The following GPC5 variants were observed in gnomAD, a reference collection of about 807,000 sequenced individuals.
The protein encoded by GPC5 is glypican-5.
A neutral mutation model predicts 53.9 loss-of-function variants in GPC5; 47 were observed. That is an observed-to-expected ratio of 0.87 (90% CI 0.69 to 1.11). The LOEUF is 1.11. Among genes scored for constraint, GPC5 ranks in the 50% most tolerant of loss-of-function variants. The pLI is 0.00. For missense variants in GPC5, 748 were observed against 713.1 expected (o/e 1.05, Z -0.56); for synonymous variants, 286 against 263.3 (o/e 1.09, Z -0.84).
intron 7 of GPC5, among the ~76,000 whole-genome samples, chr13:92,552,461 T>G (rs1882351599): frequency 6.6e-6 from 1 of 151,890 alleles, no homozygotes; most frequent in Admixed American, 6.6e-5. Flanking sequence ...AAAATAAAAC[T>G]AAGTTACTTT....
chr13:92,159,434 C>T (rs1476096618), intron 7 of GPC5, among the ~76,000 whole-genome samples: 2 of 151,980 alleles, frequency 1.3e-5, no homozygotes, highest in African/African-American at 2.4e-5. Context: ...CAATTTGGGG[C>T]GGGGACTCAG....
At chr13:91,947,809 A>G (rs1256877725) in intron 6 of GPC5, among the ~76,000 whole-genome samples, 1 of 152,140 alleles carries the variant, frequency 6.6e-6, no homozygotes, top group Non-Finnish European at 1.5e-5. Flanking sequence ...CCGTCCCCCC[A>G]ACCCCTGCAG....
chr13:91,747,853 A>G (rs1285566485), intron 4 of GPC5, among the ~76,000 whole-genome samples: 3 of 152,228 alleles, frequency 2.0e-5, no homozygotes, highest in Non-Finnish European at 4.4e-5. Context: ...TATCAACTAA[A>G]TGCCTAACTA....
chr13:92,406,085 C>T (rs1458021478), intron 7 of GPC5, among the ~76,000 whole-genome samples: 10 of 152,194 alleles, frequency 6.6e-5, no homozygotes, highest in Admixed American at 5.9e-4. Flanking sequence ...ACCTACTGTT[C>T]ACCCTTTGTG....
intron 7 of GPC5, among the ~76,000 whole-genome samples, chr13:92,585,804 C>T (rs965893953): frequency 3.3e-5 from 5 of 152,120 alleles, no homozygotes; most frequent in African/African-American, 1.2e-4. Flanking sequence ...GAGTAAGTCT[C>T]ACAAGATCTG....
At chr13:92,161,812 A>G (rs950532769) in intron 7 of GPC5, among the ~76,000 whole-genome samples, 2 of 151,314 alleles carry the variant, frequency 1.3e-5, no homozygotes, top group African/African-American at 4.8e-5. Context: ...ATTTTGGAGG[A>G]GATACATTAA....
intron 5 of GPC5, among the ~76,000 whole-genome samples, chr13:91,791,716 C>T (rs1036520751): frequency 2.7e-5 from 4 of 150,092 alleles, no homozygotes; most frequent in Non-Finnish European, 5.9e-5. Flanking sequence ...ATACTCTCTT[C>T]CACTACTAAA....
chr13:91,422,004 A>G (rs898849750), intron 1 of GPC5, among the ~76,000 whole-genome samples: 8 of 152,232 alleles, frequency 5.3e-5, no homozygotes, highest in African/African-American at 1.7e-4. Flanking sequence ...TGAAAATGGG[A>G]TGGAGCCTTG....
chr13:92,403,375 T>C (rs1401610084), intron 7 of GPC5, among the ~76,000 whole-genome samples: 1 of 152,204 alleles, frequency 6.6e-6, no homozygotes, highest in East Asian at 1.9e-4. Context: ...CTGTGGCCCA[T>C]GGCCTGTTAG....
intron 6 of GPC5, among the ~76,000 whole-genome samples, chr13:92,041,755 C>T (rs985491308): frequency 1.3e-5 from 2 of 152,172 alleles, no homozygotes; most frequent in African/African-American, 4.8e-5. Flanking sequence ...CACAGTGTTC[C>T]ATTCTTCAAC....
intron 5 of GPC5, among the ~76,000 whole-genome samples, chr13:91,798,215 G>A (rs1218349374): frequency 1.1e-4 from 16 of 152,152 alleles, no homozygotes; most frequent in African/African-American, 3.6e-4. Context: ...GGGCACATGT[G>A]TAGGAAGCGC....
intron 2 of GPC5, among the ~76,000 whole-genome samples, chr13:91,626,311 G>T (rs554999131): frequency 6.6e-6 from 1 of 152,200 alleles, no homozygotes; most frequent in South Asian, 2.1e-4. Flanking sequence ...ACTATTTATT[G>T]GTAGAAGCAC....
At chr13:91,725,059 CA>C (rs2036548931) in intron 3 of GPC5, 1 of 152,204 alleles carries the variant, frequency 6.6e-6, no homozygotes, top group South Asian at 2.1e-4. Context: ...GCCAAGATTA[CA>C]GTGAGAATGG....
chr13:92,449,614 A>G (rs1177144979), intron 7 of GPC5, among the ~76,000 whole-genome samples: 1 of 152,196 alleles, frequency 6.6e-6, no homozygotes, highest in African/African-American at 2.4e-5. Flanking sequence ...AAATGAAAGC[A>G]GTGGAATGGA....
intron 7 of GPC5, among the ~76,000 whole-genome samples, chr13:92,837,734 C>T (rs576961523): frequency 3.3e-5 from 5 of 152,158 alleles, no homozygotes; most frequent in African/African-American, 1.2e-4. Flanking sequence ...GGATGGTCCG[C>T]CAAACTATTA....
chr13:91,927,075 A>C (rs1023217326), intron 6 of GPC5, among the ~76,000 whole-genome samples: 1 of 152,198 alleles, frequency 6.6e-6, no homozygotes, highest in African/African-American at 2.4e-5. Flanking sequence ...AAAAATACTT[A>C]AAATCATAGA....
In GPC5 at chr13:91,830,795, ATATATATAATATATATCCTAT is replaced by A. The variant is rs1210106648; in HGVS notation, c.1280+74413_1280+74433del. On this transcript the variant is annotated intron_variant, in intron 5 of 7. Transcript: ENST00000377067. ...ATATATAAAATATATATATACTATT[ATATATATAATATATATCCTAT>A]TATATATAATATATATCCTATTATA... is the stretch of plus-strand genomic sequence containing the variant. 4.0e-3 allele frequency among the ~76,000 whole-genome samples: 251 copies of A among 63,450 alleles called. 4 individuals carry two copies. In the East Asian group the frequency reaches 0.084, roughly 21 times the overall value. The allele number at this position is 63,450 out of a possible 152,430, so 41.6% of individuals were successfully genotyped here.
intron 7 of GPC5, among the ~76,000 whole-genome samples, chr13:92,789,724 A>T (rs1566419493): frequency 6.6e-6 from 1 of 152,120 alleles, no homozygotes; most frequent in Non-Finnish European, 1.5e-5. Context: ...AGAAAATGAA[A>T]CTGAAGGTGT....
chr13:91,596,811 G>T (rs1167939615), intron 2 of GPC5, among the ~76,000 whole-genome samples: 2 of 152,164 alleles, frequency 1.3e-5, no homozygotes, highest in African/African-American at 2.4e-5. Flanking sequence ...ATCTGTCACT[G>T]TAAGAGTTGG....
Sources: allele counts gnomAD v4.1 joint callset (sites outside exome capture counted in the v4.1 genomes callset), GRCh38; gene constraint gnomAD v4.1.1; transcripts MANE v1.5; gene names NCBI Gene and HGNC (gene_info 2026-07-23, HGNC 2026-07-21).